Variants in KCNIP1 observed in about 807,000 individuals in gnomAD.
KCNIP1 encodes A-type potassium channel modulatory protein KCNIP1.
Under a neutral mutation model 33.0 loss-of-function variants are expected in KCNIP1, and 18 were observed. The observed-to-expected ratio is 0.55, with a 90% CI of 0.38 to 0.81. The LOEUF (loss-of-function observed/expected upper bound fraction) is 0.81, where lower values mean the gene tolerates loss of function less well. Among genes scored for constraint, KCNIP1 ranks in the 30% least tolerant of loss-of-function variants. The pLI is 0.00. For synonymous variants in KCNIP1, 93 were observed against 98.3 expected (o/e 0.95, Z 0.32); for missense variants, 238 against 271.6 (o/e 0.88, Z 0.87).
At chr5:170,710,680 A>T (rs1397295802) in intron 1 of KCNIP1, among the ~76,000 whole-genome samples, 1 of 151,950 alleles carries the variant, frequency 6.6e-6, no homozygotes, top group Non-Finnish European at 1.5e-5. Flanking sequence ...AAATGATGAG[A>T]TTTTTTTTTA....
At chr5:170,424,740 G>A (rs577618096) in intron 1 of KCNIP1, among the ~76,000 whole-genome samples, 2 of 152,230 alleles carry the variant, frequency 1.3e-5, no homozygotes, top group East Asian at 3.9e-4. Context: ...TCTTTTAAAA[G>A]TAGAAGTCAG....
intron 1 of KCNIP1, among the ~76,000 whole-genome samples, chr5:170,705,529 C>T (rs748002033): frequency 2.0e-5 from 3 of 152,176 alleles, no homozygotes; most frequent in Non-Finnish European, 4.4e-5. Context: ...CACTAATGTT[C>T]CAGGCCCTAT....
chr5:170,559,056 A>G (rs1756942386), intron 1 of KCNIP1, among the ~76,000 whole-genome samples: 1 of 152,184 alleles, frequency 6.6e-6, no homozygotes, highest in Admixed American at 6.5e-5. Flanking sequence ...TAGGCTACAC[A>G]GTATCTGTAT....
chr5:170,422,544 A>C (rs900035722), intron 1 of KCNIP1: 18 of 134,866 alleles, frequency 1.3e-4, no homozygotes, highest in African/African-American at 5.2e-4. Context: ...AACCTAGAGG[A>C]AAGTGATTGG....
rs1161462028 is a variant in KCNIP1 at position 170,644,484 on chromosome 5, C to T, written c.62-74274C>T. ...GGGGAGAAGGGGCTGGGCGGAGGAG[C>T]AGCCTGAGCACCTGCATCTCACTCC... On this transcript the variant is annotated intron_variant, in intron 1 of 7. Coordinates refer to ENST00000328939, the MANE Select transcript of KCNIP1 (RefSeq NM_014592.4). Among the ~76,000 whole-genome samples the T allele has an allele frequency of 2.6e-5, 4 of 152,330 alleles. No homozygotes were observed. In the East Asian group the frequency reaches 7.7e-4, roughly 29 times the overall value.
intron 1 of KCNIP1, among the ~76,000 whole-genome samples, chr5:170,709,836 G>A (rs996687079): frequency 2.0e-5 from 3 of 151,820 alleles, no homozygotes; most frequent in African/African-American, 7.3e-5. Context: ...CGTCTCATAT[G>A]TCTCTTATGC....
chr5:170,620,649 G>C (rs2202437), intron 1 of KCNIP1, among the ~76,000 whole-genome samples: 5 of 152,134 alleles, frequency 3.3e-5, no homozygotes, highest in African/African-American at 1.2e-4. Flanking sequence ...TTTTAAAGCC[G>C]TATCAGGTTG....
chr5:170,705,129 T>C (rs968874462), intron 1 of KCNIP1, among the ~76,000 whole-genome samples: 1 of 152,198 alleles, frequency 6.6e-6, no homozygotes, highest in African/African-American at 2.4e-5. Context: ...TGTGATGTAT[T>C]GTGTAGTCTA....
intron 1 of KCNIP1, among the ~76,000 whole-genome samples, chr5:170,416,222 G>A (rs1755325483): frequency 6.6e-6 from 1 of 152,156 alleles, no homozygotes. Flanking sequence ...TGAAGCCAGA[G>A]CTGGTGTGGC....
intron 1 of KCNIP1, among the ~76,000 whole-genome samples, chr5:170,412,523 C>T (rs776626099): frequency 5.9e-5 from 9 of 152,162 alleles, no homozygotes; most frequent in Non-Finnish European, 5.9e-5. Context: ...CTATTTAAAA[C>T]GTGCAAACCC....
intron 1 of KCNIP1, among the ~76,000 whole-genome samples, chr5:170,605,207 G>A (rs1420362898): frequency 6.6e-6 from 1 of 151,312 alleles, no homozygotes; most frequent in African/African-American, 2.4e-5. Flanking sequence ...CCCTTATCAT[G>A]TGCCCCGACC....
intron 1 of KCNIP1, among the ~76,000 whole-genome samples, chr5:170,565,897 T>C (rs10475946): frequency 0.57 from 86,296 of 152,020 alleles, 24,752 homozygotes; most frequent in East Asian, 0.68. Context: ...ATGCCTAATA[T>C]GTAGGGAAAT....
chr5:170,380,714 G>A (rs1271778921), intron 1 of KCNIP1, among the ~76,000 whole-genome samples: 2 of 152,206 alleles, frequency 1.3e-5, no homozygotes, highest in African/African-American at 4.8e-5. Flanking sequence ...CTGAGCTGAC[G>A]GTGAGGGGGC....
intron 1 of KCNIP1, among the ~76,000 whole-genome samples, chr5:170,450,843 C>T (rs951911518): frequency 2.0e-5 from 3 of 152,132 alleles, no homozygotes; most frequent in Non-Finnish European, 4.4e-5. Flanking sequence ...CACACCCCAT[C>T]GTGATTATCT....
intron 1 of KCNIP1, among the ~76,000 whole-genome samples, chr5:170,584,794 G>C (rs947143169): frequency 1.3e-5 from 2 of 152,110 alleles, no homozygotes; most frequent in Non-Finnish European, 2.9e-5. Context: ...TGGCAATAGA[G>C]GAATCCGTGT....
At chr5:170,533,904 G>A (rs10072434) in intron 1 of KCNIP1, among the ~76,000 whole-genome samples, 35,990 of 152,086 alleles carry the variant, frequency 0.24, 5,494 homozygotes, top group African/African-American at 0.44. Context: ...AGTGGGCAGC[G>A]GGAGTGGGAG....
intron 1 of KCNIP1, among the ~76,000 whole-genome samples, chr5:170,469,917 T>C (rs763074613): frequency 1.3e-5 from 2 of 152,216 alleles, no homozygotes; most frequent in Non-Finnish European, 2.9e-5. Context: ...ATTCTTTCAA[T>C]AGAGCTTTTC....
chr5:170,622,885 C>G (rs1308900025), intron 1 of KCNIP1, among the ~76,000 whole-genome samples: 3 of 152,180 alleles, frequency 2.0e-5, no homozygotes, highest in Non-Finnish European at 2.9e-5. Flanking sequence ...CCTTTTGGCA[C>G]CAGAAACCGG....
At chr5:170,542,578 T>C (rs1386415887) in intron 1 of KCNIP1, among the ~76,000 whole-genome samples, 1 of 152,180 alleles carries the variant, frequency 6.6e-6, no homozygotes, top group Non-Finnish European at 1.5e-5. Flanking sequence ...TAGTCTCCCC[T>C]TATCCACAGG....
Sources: allele counts gnomAD v4.1 joint callset (sites outside exome capture counted in the v4.1 genomes callset), GRCh38; gene constraint gnomAD v4.1.1; transcripts MANE v1.5; gene names NCBI Gene and HGNC (gene_info 2026-07-23, HGNC 2026-07-21).